The following CEP63 variants were observed in gnomAD, a reference collection of about 807,000 sequenced individuals.
CEP63 encodes the protein centrosomal protein of 63 kDa.
Under a neutral mutation model 89.1 loss-of-function variants are expected in CEP63, and 84 were observed. The ratio of observed to expected loss-of-function variants is 0.94; its 90% confidence interval spans 0.79 to 1.13. The LOEUF (loss-of-function observed/expected upper bound fraction) is 1.13. CEP63 is among the 50% of genes most tolerant of loss of function. CEP63 has a pLI of 0.00. For synonymous variants in CEP63, 267 were observed against 272.5 expected, an observed-to-expected ratio of 0.98 and a Z score of 0.20; for missense variants, 838 against 813.3, an observed-to-expected ratio of 1.03 and a Z score of -0.37.
chr3:134,707,875 G>T, the CEP63 span, among the ~76,000 whole-genome samples: 3 of 151,208 alleles, frequency 2.0e-5, no homozygotes. Context: ...GTGAGCTCAA[G>T]TCTTCCCAAT....
At chr3:134,526,171 A>C (rs1459019867) in intron 3 of CEP63, among the ~76,000 whole-genome samples, 1 of 152,006 alleles carries the variant, frequency 6.6e-6, no homozygotes, top group Non-Finnish European at 1.5e-5. Flanking sequence ...GTCTTATTTC[A>C]GAGAGCCAGT....
At chr3:134,726,978 C>T in the CEP63 span, among the ~76,000 whole-genome samples, 2 of 151,518 alleles carry the variant, frequency 1.3e-5, no homozygotes, top group South Asian at 2.1e-4. Context: ...ATGTCTTCCT[C>T]ATGATCTCTC....
At chr3:134,485,986 G>A (rs1935134290), upstream of CEP63, 2 of 856,438 alleles carry the variant, frequency 2.3e-6, no homozygotes, top group Non-Finnish European at 1.3e-6. Context: ...GCTTGCTCCT[G>A]CCACGCCCCC....
the CEP63 span, among the ~76,000 whole-genome samples, chr3:134,746,557 A>G: frequency 4.6e-5 from 7 of 152,166 alleles, no homozygotes; most frequent in Non-Finnish European, 7.3e-5. Context: ...AAGCATTTCC[A>G]TTTCTCCACA....
chr3:134,604,599 G>A, the CEP63 span: 10 of 788,140 alleles, frequency 1.3e-5, no homozygotes, highest in Non-Finnish European at 2.0e-5. Flanking sequence ...TATTTCCACG[G>A]TGTTAATACT....
At chr3:134,547,192 C>A (rs1953564252) in intron 8 of CEP63, 143 bp from the exon 9 acceptor site, 2 of 719,916 alleles carry the variant, frequency 2.8e-6, no homozygotes, top group Non-Finnish European at 4.8e-6. Flanking sequence ...TTTCCTCTCC[C>A]AATATTCTTT....
At chr3:134,581,693 T>TTTTTTTTTTTTTA (rs1958352819) in intron 10 of CEP63, among the ~76,000 whole-genome samples, 2 of 143,992 alleles carry the variant, frequency 1.4e-5, no homozygotes, top group African/African-American at 5.2e-5. Context: ...TTTTTTTTTT[T>TTTTTTTTTTTTTA]GAGACGGAGT....
chr3:134,603,829 T>C, the CEP63 span: 1 of 1,613,990 alleles, frequency 6.2e-7, no homozygotes, highest in Non-Finnish European at 8.5e-7. Context: ...CAGCAGCTCA[T>C]TGTCCTGTCC....
chr3:134,496,079 G>T (rs368494098), intron 2 of CEP63, among the ~76,000 whole-genome samples: 3 of 152,282 alleles, frequency 2.0e-5, no homozygotes, highest in South Asian at 4.1e-4. Context: ...CTTTCCTTTG[G>T]ATAGATTACC....
At chr3:134,526,506 T>C (rs907072582) in intron 3 of CEP63, among the ~76,000 whole-genome samples, 1 of 152,176 alleles carries the variant, frequency 6.6e-6, no homozygotes, top group African/African-American at 2.4e-5. Context: ...CTGCATTGTT[T>C]TATCATGATT....
the CEP63 span, among the ~76,000 whole-genome samples, chr3:134,630,886 T>C: frequency 6.6e-6 from 1 of 152,088 alleles, no homozygotes; most frequent in Non-Finnish European, 1.5e-5. Flanking sequence ...TGGAAAGATA[T>C]AAAGTATCAG....
intron 1 of CEP63, among the ~76,000 whole-genome samples, chr3:134,494,875 G>A (rs974291281): frequency 7.2e-5 from 11 of 152,022 alleles, no homozygotes; most frequent in Non-Finnish European, 1.0e-4. Flanking sequence ...AGTACACTTC[G>A]CATTTTTTAT....
chr3:134,649,732 T>C, the CEP63 span, among the ~76,000 whole-genome samples: 1 of 152,232 alleles, frequency 6.6e-6, no homozygotes, highest in Non-Finnish European at 1.5e-5. Context: ...CCCAGGGCTC[T>C]GGAGGCAGCT....
the CEP63 span, among the ~76,000 whole-genome samples, chr3:134,726,063 C>A: frequency 6.6e-6 from 1 of 152,214 alleles, no homozygotes; most frequent in African/African-American, 2.4e-5. Flanking sequence ...ATAACAGATT[C>A]AAAGGGTAAG....
chr3:134,487,983 C>T (rs943501334), intron 1 of CEP63: 2 of 152,232 alleles, frequency 1.3e-5, no homozygotes, highest in African/African-American at 4.8e-5. Context: ...TATCCTTTAA[C>T]ATGTATCTCT....
At chr3:134,749,914 C>T in the CEP63 span, among the ~76,000 whole-genome samples, 10 of 152,138 alleles carry the variant, frequency 6.6e-5, no homozygotes, top group African/African-American at 1.4e-4. Context: ...GTGCCTGAGT[C>T]GCTAATGGGT....
the CEP63 span, among the ~76,000 whole-genome samples, chr3:134,703,881 G>T: frequency 6.6e-6 from 1 of 152,158 alleles, no homozygotes; most frequent in Non-Finnish European, 1.5e-5. Context: ...GCCTGCCAAA[G>T]GCTTCTAAAT....
At chr3:134,749,705 C>CAAAAAAAAA in the CEP63 span, among the ~76,000 whole-genome samples, 183 of 49,374 alleles carry the variant, frequency 3.7e-3, 23 homozygotes, top group Admixed American at 8.5e-3. Flanking sequence ...AGGGGTTGTT[C>CAAAAAAAAA]AAAAAAAAAA....
At chr3:134,535,942 A>C (rs1029607449) in intron 5 of CEP63, 2 of 152,234 alleles carry the variant, frequency 1.3e-5, no homozygotes, top group South Asian at 2.1e-4. Flanking sequence ...ATTCCCAGTT[A>C]TCTCTCTTAC....
Sources: allele counts gnomAD v4.1 joint callset (sites outside exome capture counted in the v4.1 genomes callset), GRCh38; gene constraint gnomAD v4.1.1; transcripts MANE v1.5; gene names NCBI Gene and HGNC (gene_info 2026-07-23, HGNC 2026-07-21).